STX2: variants seen among roughly 807,000 people sequenced by gnomAD.
STX2 encodes syntaxin-2.
STX2 carries 27 observed loss-of-function variants against 40.6 expected under a neutral mutation model. That is an observed-to-expected ratio of 0.66 (90% confidence interval 0.49 to 0.92). The LOEUF is 0.92. STX2 is among the 40% of genes least tolerant of loss of function. STX2 has a pLI of 0.00. For missense variants in STX2, 328 were observed against 366.1 expected (o/e 0.90, Z 0.85); for synonymous variants, 123 against 119.1 (o/e 1.03, Z -0.22).
At chr12:130,816,490 A>G (rs1370375947) in intron 3 of STX2, among the ~76,000 whole-genome samples, 1 of 152,204 alleles carries the variant, frequency 6.6e-6, no homozygotes, top group Admixed American at 6.5e-5. Context: ...GACGCAGGCC[A>G]TAAGGTCACA....
chr12:130,805,570 G>C (rs1464012532), intron 6 of STX2, among the ~76,000 whole-genome samples: 1 of 152,192 alleles, frequency 6.6e-6, no homozygotes, highest in South Asian at 2.1e-4. Flanking sequence ...GAGGGAACAC[G>C]CTGCCAGGCA....
intron 1 of STX2, among the ~76,000 whole-genome samples, chr12:130,831,659 G>A (rs1952563566): frequency 6.6e-6 from 1 of 152,128 alleles, no homozygotes; most frequent in African/African-American, 2.4e-5. Context: ...ATATGTAAAT[G>A]CTGACTCTGG....
intron 10 of STX2, among the ~76,000 whole-genome samples, 167 bp downstream of exon 10, chr12:130,795,828 T>C (rs1174125092): frequency 6.6e-6 from 1 of 152,206 alleles, no homozygotes; most frequent in Non-Finnish European, 1.5e-5. Flanking sequence ...GTAAACACAG[T>C]GGCTGGGCAC....
At chr12:130,797,479 G>A (rs979874445) in intron 9 of STX2, among the ~76,000 whole-genome samples, 2 of 152,050 alleles carry the variant, frequency 1.3e-5, no homozygotes, top group Non-Finnish European at 2.9e-5. Flanking sequence ...CCTGGCGGCT[G>A]AGCCTGCAGC....
At chr12:130,832,469 G>A (rs1404421031) in intron 1 of STX2, among the ~76,000 whole-genome samples, 1 of 152,048 alleles carries the variant, frequency 6.6e-6, no homozygotes, top group African/African-American at 2.4e-5. Context: ...AGCGTCTTCA[G>A]CTTCACTAAA....
intron 7 of STX2, 33 bp downstream of exon 7, chr12:130,801,382 G>C (rs1951220309): frequency 2.5e-6 from 4 of 1,599,450 alleles, no homozygotes; most frequent in East Asian, 2.2e-5. Flanking sequence ...TACAGAAGAG[G>C]ACATGGAGCC....
chr12:130,818,293 C>T (rs2136308108), intron 3 of STX2, among the ~76,000 whole-genome samples: 1 of 147,676 alleles, frequency 6.8e-6, no homozygotes, highest in South Asian at 2.1e-4. Context: ...ACTGTCTGAG[C>T]CCAGGAGGCT....
chr12:130,809,395 T>C (rs1951561351), intron 4 of STX2, among the ~76,000 whole-genome samples: 1 of 152,236 alleles, frequency 6.6e-6, no homozygotes, highest in African/African-American at 2.4e-5. Flanking sequence ...ATATGTTTTA[T>C]ATATTTGACG....
At chr12:130,794,566 A>G (rs1428062231) in intron 10 of STX2, among the ~76,000 whole-genome samples, 1 of 151,922 alleles carries the variant, frequency 6.6e-6, no homozygotes, top group African/African-American at 2.4e-5. Context: ...TGCGATCTAG[A>G]CTCACTCTAG....
chr12:130,816,946 C>G (rs1018555580), intron 3 of STX2, among the ~76,000 whole-genome samples: 1 of 152,130 alleles, frequency 6.6e-6, no homozygotes, highest in Admixed American at 6.5e-5. Flanking sequence ...CATCTCAATC[C>G]CTAAAATTAG....
intron 3 of STX2, among the ~76,000 whole-genome samples, chr12:130,819,631 C>G: frequency 6.6e-6 from 1 of 150,792 alleles, no homozygotes; most frequent in South Asian, 2.1e-4. Flanking sequence ...GTAAATTATT[C>G]AAAAAAAAAT....
chr12:130,832,037 A>T (rs1490178863), intron 1 of STX2, among the ~76,000 whole-genome samples: 3 of 151,922 alleles, frequency 2.0e-5, no homozygotes, highest in Non-Finnish European at 4.4e-5. Context: ...TTTAGAGATG[A>T]GGTCTGGCCA....
At chr12:130,838,994 G>C (rs2136379250) in intron 1 of STX2, 76 bp downstream of exon 1, 87 of 495,104 alleles carry the variant, frequency 1.8e-4, no homozygotes, top group Non-Finnish European at 2.3e-4. Flanking sequence ...CCCCGCCCAA[G>C]ACGCCCCGAG....
chr12:130,827,683 G>A (rs567250196), intron 1 of STX2, among the ~76,000 whole-genome samples: 1 of 152,374 alleles, frequency 6.6e-6, no homozygotes, highest in East Asian at 1.9e-4. Context: ...GGAGGCTGAG[G>A]GGGGCAGAAT....
chr12:130,801,024 C>T, intron 8 of STX2, 129 bp downstream of exon 8: 1 of 1,037,824 alleles, frequency 9.6e-7, no homozygotes, highest in Non-Finnish European at 1.3e-6. Context: ...TATAACACTG[C>T]AATTAACCTG....
rs756794046 is a variant in STX2, at chr12:130,818,170, C to CA, written c.205+3518dup. 6.8e-4 allele frequency among the ~76,000 whole-genome samples: 34 copies of CA among 49,856 alleles called. 1 individual carries two copies. The highest frequency in any genetic ancestry group is 2.0e-3 in the African/African-American group (13 of 6,392). The allele number at this position is 49,856 out of a possible 152,430, so 32.7% of individuals were successfully genotyped here. On this transcript the variant is annotated intron_variant, in intron 3 of 10. Transcript: ENST00000392373. ...AACACAGTGAGAAACGCTGTTTCTA[C>CA]AAAAAAAAAAAAAAAATATATATAT...
rs930592969 is a variant in STX2, at chr12:130,812,540, C to T, written c.280+417G>A. ...AAATACAACATGTTTTCTACCAAAT[C>T]GAGAAAAAGCAACCTCTGTTTAAGT... is the stretch of plus-strand genomic sequence containing the variant. On this transcript the variant is annotated intron_variant, in intron 4 of 10. Transcript: ENST00000392373. 9 of 278,472 alleles carry T rather than the reference C, an allele frequency of 3.2e-5. No individual in the cohort carries two copies. In the East Asian group the frequency reaches 6.1e-4, roughly 19 times the overall value. The allele number at this position is 278,472 out of a possible 1,614,324, so 17.3% of individuals were successfully genotyped here. A position where few individuals can be genotyped will look rare whatever the true frequency, so the allele number is the denominator to read the frequency against.
At chr12:130,797,417 T>C (rs1343550318) in intron 9 of STX2, among the ~76,000 whole-genome samples, 1 of 152,194 alleles carries the variant, frequency 6.6e-6, no homozygotes, top group Non-Finnish European at 1.5e-5. Context: ...TGTCTGGCAT[T>C]TCAGAGATGA....
chr12:130,814,766 A>G (rs1217640985), intron 3 of STX2, among the ~76,000 whole-genome samples: 1 of 149,840 alleles, frequency 6.7e-6, no homozygotes, highest in Non-Finnish European at 1.5e-5. Flanking sequence ...CCTCCCAAGT[A>G]GCTGGGATTA....
Sources: allele counts gnomAD v4.1 joint callset (sites outside exome capture counted in the v4.1 genomes callset), GRCh38; gene constraint gnomAD v4.1.1; transcripts MANE v1.5; gene names NCBI Gene and HGNC (gene_info 2026-07-23, HGNC 2026-07-21).